Variants in PHLPP2 observed in about 807,000 individuals in gnomAD.
PHLPP2 encodes PH domain leucine-rich repeat-containing protein phosphatase 2.
A neutral mutation model predicts 124.9 loss-of-function variants in PHLPP2; 66 were observed. The ratio of observed to expected loss-of-function variants is 0.53; its 90% CI spans 0.43 to 0.65. The LOEUF is 0.65. Among genes scored for constraint, PHLPP2 ranks in the 30% least tolerant of loss-of-function variants. The probability of loss-of-function intolerance (pLI) is 0.00; values close to 1 mark genes in which losing one functional copy is unlikely to be tolerated. For missense variants in PHLPP2, 1,685 were observed against 1,600.4 expected (o/e 1.05, Z -0.90); for synonymous variants, 681 against 624.7 (o/e 1.09, Z -1.34).
intron 18 of PHLPP2, among the ~76,000 whole-genome samples, chr16:71,651,532 T>TA (rs951686685): frequency 2.0e-5 from 3 of 151,824 alleles, no homozygotes; most frequent in Admixed American, 2.0e-4. Flanking sequence ...ACCTTGTCTC[T>TA]AAAAAAAATA....
Position 71,649,031 on chromosome 16 carries a change from T to C in PHLPP2, c.3831A>G (p.Pro1277=). 1 of 1,614,164 alleles carries C rather than the reference T, an allele frequency of 6.2e-7. No homozygotes were observed. Among genetic ancestry groups the C allele is most frequent in the Non-Finnish European group, 8.5e-7 (1 of 1,180,018 alleles). The change falls in exon 19 of 19, where the codon CCA becomes CCG. Residue 1277 remains proline (P), a synonymous_variant. Transcript: ENST00000568954. ...CATGAGGCACAACAAACTGGTCCTCTGGTTCCATCTGAGTGGGGGCAGCAA... is the reference window on the plus strand; with the variant it reads ...CATGAGGCACAACAAACTGGTCCTCCGGTTCCATCTGAGTGGGGGCAGCAA... ...GYFAAPTQME[P]EDQFVVPHDL... is the part of the protein sequence containing the mutation.
At chr16:71,719,742 A>C (rs944833047) in intron 1 of PHLPP2, among the ~76,000 whole-genome samples, 3 of 151,780 alleles carry the variant, frequency 2.0e-5, no homozygotes, top group Non-Finnish European at 4.4e-5. Flanking sequence ...TCTAGAAGGC[A>C]AAAGTCTTGA....
At chr16:71,664,938 G>C (rs2044825594) in intron 12 of PHLPP2, among the ~76,000 whole-genome samples, 1 of 152,110 alleles carries the variant, frequency 6.6e-6, no homozygotes, top group South Asian at 2.1e-4. Context: ...CCTAAAAACA[G>C]AATTTGTGGG....
intron 2 of PHLPP2, among the ~76,000 whole-genome samples, chr16:71,705,306 A>AT (rs1416267383): frequency 6.6e-6 from 1 of 152,210 alleles, no homozygotes; most frequent in Non-Finnish European, 1.5e-5. Context: ...ATAATTCCAT[A>AT]TAAGGACCAC....
At chr16:71,685,156 T>C (rs921572589) in intron 4 of PHLPP2, among the ~76,000 whole-genome samples, 1 of 152,114 alleles carries the variant, frequency 6.6e-6, no homozygotes, top group African/African-American at 2.4e-5. Context: ...TGAAACCCTG[T>C]CTCTACTAAA....
intron 1 of PHLPP2, among the ~76,000 whole-genome samples, chr16:71,722,356 C>G (rs2045403804): frequency 6.6e-6 from 1 of 152,252 alleles, no homozygotes; most frequent in East Asian, 1.9e-4. Flanking sequence ...ATCGCTTGAA[C>G]CCTGGAGGCA....
chr16:71,698,441 T>C (rs561532556), intron 3 of PHLPP2: 7 of 731,826 alleles, frequency 9.6e-6, no homozygotes, highest in South Asian at 8.2e-5. Flanking sequence ...CAGATGGACA[T>C]GGTAACTTGG....
In PHLPP2 at chr16:71,667,303, C is replaced by A. The variant is rs2044848154; in HGVS notation, c.1659G>T (p.Leu553=). 6.2e-7 allele frequency: 1 copy of A among 1,613,330 alleles called. No homozygotes were observed. The highest frequency in any genetic ancestry group is 1.3e-5 in the African/African-American group (1 of 74,890). ...TTTGCACATGATTGTGTCCCAGCAT[C>A]AGTTTTCTAAGACTCAAGCTACTCA... ...RILSSLSLRK[L]MLGHNHVQNL... is the part of the protein sequence containing the mutation. The change falls in exon 12 of 19, where the codon CTG becomes CTT. Residue 553 remains leucine (L), a synonymous_variant. Transcript: ENST00000568954.
chr16:71,645,124 G>T lies in PHLPP2; in HGVS notation c.*3766C>A, dbSNP rs11670. The T allele has an allele frequency of 0.26, 53,254 of 207,872 alleles. 7,179 individuals are homozygous for T. The highest frequency in any genetic ancestry group is 0.29 in the Non-Finnish European group (29,909 of 102,350). 12.9% of individuals were successfully genotyped at this position (207,872 alleles called of 1,614,324 possible). A position where few individuals can be genotyped will look rare whatever the true frequency, so the allele number is the denominator to read the frequency against. The stretch of plus-strand genomic sequence containing the variant: ...CGACAATGATTGCACAAAACCGTAA[G>T]ATATGAGCCCACTGTCTGGATGACA... On this transcript the variant is annotated 3_prime_UTR_variant, in exon 19 of 19. Transcript: ENST00000568954.
At chr16:71,701,754 GA>G (rs2045234995) in intron 3 of PHLPP2, among the ~76,000 whole-genome samples, 1 of 34,614 alleles carries the variant, frequency 2.9e-5, no homozygotes, top group African/African-American at 1.3e-4. Context: ...ATCATGGTCT[GA>G]AAATAGGAAG....
At chr16:71,696,932 T>C (rs1244841362) in intron 3 of PHLPP2, among the ~76,000 whole-genome samples, 1 of 151,962 alleles carries the variant, frequency 6.6e-6, no homozygotes, top group Admixed American at 6.6e-5. Flanking sequence ...CCAGCACATT[T>C]GGGAGGCCGA....
chr16:71,655,560 T>C, intron 16 of PHLPP2, 126 bp from the exon 17 acceptor site: 2 of 647,368 alleles, frequency 3.1e-6, no homozygotes, highest in South Asian at 2.1e-5. Flanking sequence ...TGGAGTGCAG[T>C]GGCATGATCT....
At chr16:71,700,693 T>C (rs2045224213) in intron 3 of PHLPP2, among the ~76,000 whole-genome samples, 1 of 151,948 alleles carries the variant, frequency 6.6e-6, no homozygotes, top group African/African-American at 2.4e-5. Flanking sequence ...GCCCAGCTAA[T>C]TTTTTGTATT....
At chr16:71,656,771 A>C in intron 15 of PHLPP2, 90 bp from the exon 16 acceptor site, 1 of 737,670 alleles carries the variant, frequency 1.4e-6, no homozygotes. Flanking sequence ...TTTTTTTGAG[A>C]TGGAGTCTCC....
chr16:71,697,083 A>T (rs906592712), intron 3 of PHLPP2, among the ~76,000 whole-genome samples: 2 of 151,892 alleles, frequency 1.3e-5, no homozygotes, highest in African/African-American at 4.8e-5. Flanking sequence ...AGGAAGGAGA[A>T]CTGTTTGAAT....
Position 71,693,865 on chromosome 16 carries a change from C to G in PHLPP2, c.419-3156G>C, listed in dbSNP as rs556857785. ...CAGAGAACAGGGACAGAAAACTTTC[C>G]TATCAGCTAGCAAAATATATCATAT... On this transcript the variant is annotated intron_variant, in intron 3 of 18. Coordinates refer to ENST00000568954, the MANE Select transcript of PHLPP2 (RefSeq NM_015020.3). 8.5e-4 allele frequency among the ~76,000 whole-genome samples: 129 copies of G among 152,284 alleles called. No homozygotes were observed. The South Asian group carries it at 9.3e-3, about 11-fold the overall frequency.
intron 1 of PHLPP2, among the ~76,000 whole-genome samples, chr16:71,720,075 T>C (rs941162678): frequency 2.1e-5 from 3 of 145,010 alleles, no homozygotes; most frequent in Non-Finnish European, 4.5e-5. Flanking sequence ...GTTCATGCCA[T>C]TCTCCTGCCT....
At chr16:71,663,120 T>A (rs2044807072) in intron 13 of PHLPP2, among the ~76,000 whole-genome samples, 2 of 152,170 alleles carry the variant, frequency 1.3e-5, no homozygotes, top group Admixed American at 1.3e-4. Flanking sequence ...ATTTACTTAG[T>A]TATTTTTTTG....
intron 2 of PHLPP2, among the ~76,000 whole-genome samples, chr16:71,711,066 A>G (rs929941864): frequency 2.0e-5 from 3 of 152,240 alleles, no homozygotes; most frequent in Non-Finnish European, 4.4e-5. Flanking sequence ...ACGGTGGCTC[A>G]TGCCTGTAAT....
Sources: gnomAD v4.1 joint callset for allele counts (sites outside exome capture counted in the v4.1 genomes callset) on GRCh38, gnomAD v4.1.1 for gene constraint, MANE v1.5 for transcripts, NCBI Gene and HGNC (gene_info 2026-07-23, HGNC 2026-07-21) for gene names.